Variants in LRBA observed in about 807,000 individuals in gnomAD.
LRBA encodes the protein lipopolysaccharide-responsive and beige-like anchor protein.
LRBA carries 176 observed loss-of-function variants against 330.0 expected under a neutral mutation model. The observed-to-expected ratio is 0.53, with a 90% CI of 0.47 to 0.60. The LOEUF (loss-of-function observed/expected upper bound fraction) is 0.60. Among genes scored for constraint, LRBA ranks in the 20% least tolerant of loss-of-function variants. The pLI is 0.00. For missense variants in LRBA, 3,259 were observed against 3,444.8 expected, an observed-to-expected ratio of 0.95 and a Z score of 1.35; for synonymous variants, 1,230 against 1,193.0, an observed-to-expected ratio of 1.03 and a Z score of -0.64.
intron 2 of LRBA, among the ~76,000 whole-genome samples, chr4:150,954,471 A>G (rs1259670333): frequency 1.3e-5 from 2 of 151,812 alleles, no homozygotes; most frequent in Non-Finnish European, 2.9e-5. Flanking sequence ...CTTACCCCCA[A>G]CCCCGTGCTC....
intron 34 of LRBA, among the ~76,000 whole-genome samples, chr4:150,769,233 C>A (rs1736210421): frequency 6.6e-6 from 1 of 152,072 alleles, no homozygotes; most frequent in African/African-American, 2.4e-5. Flanking sequence ...GAGTGAGCCA[C>A]CATGCCCGGC....
Position 150,277,848 on chromosome 4 carries a change from GT to G in LRBA, c.8468+4del. 6.2e-7 allele frequency: 1 copy of G among 1,613,726 alleles called. No homozygotes were observed. The highest frequency in any genetic ancestry group is 8.5e-7 in the Non-Finnish European group (1 of 1,179,800). ...CCTATTTGTAGCCCATGATTCCAGT[GT>G]TACCTCTGGTCGTAAGACAGCGCCA... On this transcript the variant is annotated splice_donor_region_variant and intron_variant, in intron 56 of 56. Coordinates refer to ENST00000651943, the MANE Select transcript of LRBA (RefSeq NM_001364905.1).
chr4:150,396,803 A>G (rs1001785515), intron 47 of LRBA, among the ~76,000 whole-genome samples: 12 of 152,172 alleles, frequency 7.9e-5, no homozygotes, highest in African/African-American at 2.7e-4. Flanking sequence ...GATTAGGACA[A>G]TGAATTTTCT....
At chr4:150,494,588 T>C (rs13144332) in intron 40 of LRBA, among the ~76,000 whole-genome samples, 132,871 of 152,250 alleles carry the variant, frequency 0.87, 58,784 homozygotes, top group Non-Finnish European at 0.95. Flanking sequence ...TCTGATTAAA[T>C]AAAATATACC....
intron 34 of LRBA, among the ~76,000 whole-genome samples, chr4:150,794,517 T>C (rs1740457461): frequency 6.6e-6 from 1 of 151,706 alleles, no homozygotes; most frequent in Admixed American, 6.6e-5. Context: ...AAAACTGACA[T>C]AAAATAATCA....
intron 40 of LRBA, among the ~76,000 whole-genome samples, chr4:150,503,074 G>A (rs1361310228): frequency 6.6e-6 from 1 of 152,216 alleles, no homozygotes; most frequent in East Asian, 1.9e-4. Flanking sequence ...CTGGGTGGAG[G>A]CCACCATAGC....
At chr4:150,494,985 G>A (rs1273138385) in intron 40 of LRBA, among the ~76,000 whole-genome samples, 1 of 151,120 alleles carries the variant, frequency 6.6e-6, no homozygotes, top group Middle Eastern at 3.2e-3. Context: ...GGGTGACACA[G>A]CGAGACTCTG....
Position 150,357,632 on chromosome 4 carries a change from C to T in LRBA, c.7195-7473G>A, listed in dbSNP as rs1260658161. The stretch of plus-strand genomic sequence containing the variant: ...ATATGCTAAACTAATTATAGTATCA[C>T]ACACATAGGGATATTGAGCTTTTTT... On this transcript the variant is annotated intron_variant, in intron 47 of 56. Transcript: ENST00000651943. 2.7e-5 allele frequency among the ~76,000 whole-genome samples: 4 copies of T among 150,220 alleles called. No homozygotes were observed. The East Asian group carries it at 7.8e-4, about 29-fold the overall frequency.
At chr4:150,708,679 T>A (rs1157547881) in intron 36 of LRBA, among the ~76,000 whole-genome samples, 1 of 151,784 alleles carries the variant, frequency 6.6e-6, no homozygotes, top group Non-Finnish European at 1.5e-5. Context: ...GCTAGAAAAT[T>A]GAATTTTTAA....
At chr4:150,970,410 G>A (rs950642120) in intron 2 of LRBA, among the ~76,000 whole-genome samples, 1 of 151,836 alleles carries the variant, frequency 6.6e-6, no homozygotes, top group African/African-American at 2.4e-5. Flanking sequence ...TGAGGTGGGA[G>A]GATCGCTTAA....
intron 12 of LRBA, 51 bp downstream of exon 12, chr4:150,906,246 T>G: frequency 8.5e-7 from 1 of 1,171,598 alleles, no homozygotes; most frequent in Non-Finnish European, 1.3e-6. Flanking sequence ...AGAGAACAAA[T>G]GTATGGCCTG....
intron 40 of LRBA, among the ~76,000 whole-genome samples, chr4:150,551,984 T>C (rs1766659333): frequency 6.6e-6 from 1 of 152,080 alleles, no homozygotes; most frequent in South Asian, 2.1e-4. Flanking sequence ...GATTTTAGGA[T>C]GAAACTCTTC....
Position 150,997,582 on chromosome 4 carries a change from A to G in LRBA, c.216+16845T>C, listed in dbSNP as rs977748667. Reference sequence around the variant, plus strand: ...TCCTGCAAGAAAGATGCCTAAGGGGAAAAAAAAAGAATTAAGATAAAGTAG... The same window carrying G: ...TCCTGCAAGAAAGATGCCTAAGGGGGAAAAAAAAGAATTAAGATAAAGTAG... On this transcript the variant is annotated intron_variant, in intron 2 of 56. Coordinates refer to ENST00000651943, the MANE Select transcript of LRBA (RefSeq NM_001364905.1). Among the ~76,000 whole-genome samples the G allele has an allele frequency of 1.5e-4, 23 of 151,656 alleles. 1 individual carries two copies. Among genetic ancestry groups the G allele is most frequent in the Admixed American group, 7.2e-4 (11 of 15,198 alleles).
intron 36 of LRBA, among the ~76,000 whole-genome samples, chr4:150,705,627 A>G (rs943249445): frequency 2.0e-5 from 3 of 152,076 alleles, no homozygotes; most frequent in Non-Finnish European, 4.4e-5. Context: ...TGGCAAGATT[A>G]AAGAAAAAAC....
At chr4:150,620,160 C>A (rs901150672) in intron 37 of LRBA, among the ~76,000 whole-genome samples, 5 of 151,780 alleles carry the variant, frequency 3.3e-5, no homozygotes, top group South Asian at 4.2e-4. Flanking sequence ...TTAAAAAAAA[C>A]ATTTCTCAAA....
At position 151,003,885 on chromosome 4, in the gene LRBA, C is replaced by CTGTGTGTG. The variant is rs56025404; in HGVS notation, c.216+10534_216+10541dup. Among the ~76,000 whole-genome samples the CTGTGTGTG allele has an allele frequency of 6.0e-4, 81 of 134,198 alleles. 1 individual carries two copies. In the East Asian group the frequency reaches 8.2e-3, roughly 14 times the overall value. 88.0% of individuals were successfully genotyped at this position (134,198 alleles called of 152,430 possible). On this transcript the variant is annotated intron_variant, in intron 2 of 56. Transcript: ENST00000651943. ...GAATATGTGTATCTATAGCCAACTG[C>CTGTGTGTG]TGTGTGTGTGTGTGTGTGTGTGTGT...
At chr4:150,469,534 TAA>T (rs1357015544) in intron 43 of LRBA, among the ~76,000 whole-genome samples, 1 of 152,222 alleles carries the variant, frequency 6.6e-6, no homozygotes, top group Non-Finnish European at 1.5e-5. Flanking sequence ...ACTTGTTATA[TAA>T]GTTTCCTCTC....
At chr4:150,407,818 A>G (rs545543205) in intron 47 of LRBA, among the ~76,000 whole-genome samples, 29 of 152,278 alleles carry the variant, frequency 1.9e-4, no homozygotes, top group African/African-American at 6.7e-4. Flanking sequence ...TAAGCCAAGA[A>G]AGAAACCACA....
intron 38 of LRBA, among the ~76,000 whole-genome samples, chr4:150,593,390 T>A (rs1002129433): frequency 3.9e-5 from 6 of 152,156 alleles, no homozygotes; most frequent in Non-Finnish European, 5.9e-5. Flanking sequence ...TAGTTCTAAT[T>A]TTAAGATAAG....
Sources: allele counts gnomAD v4.1 joint callset (sites outside exome capture counted in the v4.1 genomes callset), GRCh38; gene constraint gnomAD v4.1.1; transcripts MANE v1.5; gene names NCBI Gene and HGNC (gene_info 2026-07-23, HGNC 2026-07-21).